The following TANC2 variants were observed in gnomAD, a reference collection of about 807,000 sequenced individuals.
TANC2 encodes the protein tetratricopeptide repeat, ankyrin repeat and coiled-coil containing 2, also known as protein TANC2.
Under a neutral mutation model 210.5 loss-of-function variants are expected in TANC2, and 26 were observed. The observed-to-expected ratio is 0.12, with a 90% CI of 0.09 to 0.17. The LOEUF (loss-of-function observed/expected upper bound fraction) is 0.17, where lower values mean the gene tolerates loss of function less well. Among genes scored for constraint, TANC2 ranks in the 10% least tolerant of loss-of-function variants. The probability of loss-of-function intolerance (pLI) is 1.00; values close to 1 mark genes in which losing one functional copy is unlikely to be tolerated. For synonymous variants in TANC2, 931 were observed against 967.1 expected (o/e 0.96, Z 0.69); for missense variants, 2,129 against 2,608.9 (o/e 0.82, Z 4.01).
chr17:63,353,029 G>C (rs779820155), intron 13 of TANC2, among the ~76,000 whole-genome samples: 1 of 152,090 alleles, frequency 6.6e-6, no homozygotes, highest in Non-Finnish European at 1.5e-5. Context: ...GTTTTAGATA[G>C]GATATATAGG....
At position 63,237,734 on chromosome 17, in the gene TANC2, G is replaced by A. The variant is rs1425379534; in HGVS notation, c.770-80G>A. ...GAAAATGGTGTCCTTTCCCCAATGTGTGTTTTTATCAACTTTGTCAAAGAT... is the reference window on the plus strand; with the variant it reads ...GAAAATGGTGTCCTTTCCCCAATGTATGTTTTTATCAACTTTGTCAAAGAT... On this transcript the variant is annotated intron_variant, in intron 7 of 27. Transcript: ENST00000689528. The A allele has an allele frequency of 2.9e-6, 4 of 1,385,770 alleles. No individual in the cohort carries two copies. The East Asian group carries it at 7.5e-5, about 26-fold the overall frequency. 85.8% of individuals were successfully genotyped at this position (1,385,770 alleles called of 1,614,324 possible). A position where few individuals can be genotyped will look rare whatever the true frequency, so the allele number is the denominator to read the frequency against.
intron 11 of TANC2, among the ~76,000 whole-genome samples, chr17:63,325,934 C>G (rs1479237376): frequency 6.6e-6 from 1 of 152,208 alleles, no homozygotes; most frequent in Non-Finnish European, 1.5e-5. Flanking sequence ...TCCAGATGAA[C>G]TAAATAAATT....
At chr17:63,146,796 T>C (rs567801370) in intron 4 of TANC2, among the ~76,000 whole-genome samples, 1 of 152,312 alleles carries the variant, frequency 6.6e-6, no homozygotes, top group Non-Finnish European at 1.5e-5. Flanking sequence ...CCTCGATAGG[T>C]AGATTTTCTC....
intron 4 of TANC2, among the ~76,000 whole-genome samples, chr17:63,147,078 T>C (rs1162017986): frequency 6.6e-6 from 1 of 152,088 alleles, no homozygotes; most frequent in East Asian, 1.9e-4. Flanking sequence ...ATGCCTGTAA[T>C]CCCAGCACTT....
intron 1 of TANC2, among the ~76,000 whole-genome samples, chr17:63,005,621 T>G (rs916392153): frequency 2.6e-5 from 4 of 150,948 alleles, no homozygotes; most frequent in Non-Finnish European, 4.4e-5. Context: ...TCTTTAATGG[T>G]TTTTTTTTGT....
chr17:63,037,995 C>T (rs1280470401), intron 2 of TANC2, among the ~76,000 whole-genome samples: 1 of 151,820 alleles, frequency 6.6e-6, no homozygotes, highest in South Asian at 2.1e-4. Flanking sequence ...TGTTCCTTTC[C>T]AGTATGTATG....
intron 13 of TANC2, among the ~76,000 whole-genome samples, chr17:63,352,591 G>GT (rs796376682): frequency 2.6e-5 from 4 of 152,264 alleles, no homozygotes; most frequent in African/African-American, 9.6e-5. Context: ...CTTTGGAGAT[G>GT]TTATCCTCAT....
chr17:63,250,425 A>T (rs1454089251), intron 8 of TANC2, among the ~76,000 whole-genome samples: 1 of 152,066 alleles, frequency 6.6e-6, no homozygotes, highest in Non-Finnish European at 1.5e-5. Context: ...AATCTGACAG[A>T]ACTATCTCAA....
intron 5 of TANC2, among the ~76,000 whole-genome samples, chr17:63,174,323 A>G (rs1469875091): frequency 6.6e-6 from 1 of 151,930 alleles, no homozygotes; most frequent in Non-Finnish European, 1.5e-5. Context: ...CCTCCACTCC[A>G]CCTACCTTTA....
intron 3 of TANC2, among the ~76,000 whole-genome samples, chr17:63,085,419 GTTGTT>G (rs1381368686): frequency 1.3e-5 from 2 of 151,914 alleles, no homozygotes; most frequent in African/African-American, 4.8e-5. Context: ...TCTGCCATTT[GTTGTT>G]TTAATTCAAA....
At chr17:63,346,269 G>T (rs971561265) in intron 12 of TANC2, among the ~76,000 whole-genome samples, 1 of 152,118 alleles carries the variant, frequency 6.6e-6, no homozygotes, top group African/African-American at 2.4e-5. Flanking sequence ...TGACAAATTA[G>T]ACTTCATCAA....
chr17:63,348,346 A>G (rs1191782159), intron 12 of TANC2, among the ~76,000 whole-genome samples: 1 of 152,196 alleles, frequency 6.6e-6, no homozygotes, highest in African/African-American at 2.4e-5. Flanking sequence ...TTTGTTAGGA[A>G]TACATGTAAG....
At chr17:63,356,507 C>A (rs1410398215) in intron 14 of TANC2, among the ~76,000 whole-genome samples, 2 of 152,140 alleles carry the variant, frequency 1.3e-5, no homozygotes, top group African/African-American at 4.8e-5. Context: ...TTCACCAGGC[C>A]TTATTAGAGA....
At chr17:63,184,079 A>G (rs1326797271) in intron 5 of TANC2, among the ~76,000 whole-genome samples, 2 of 152,168 alleles carry the variant, frequency 1.3e-5, no homozygotes, top group Non-Finnish European at 2.9e-5. Flanking sequence ...AAAATAGATA[A>G]AAGTTTTCAT....
At chr17:63,392,437 C>G (rs2048011447) in intron 17 of TANC2, among the ~76,000 whole-genome samples, 1 of 152,168 alleles carries the variant, frequency 6.6e-6, no homozygotes, top group East Asian at 1.9e-4. Flanking sequence ...ACATCTTTCC[C>G]TCCTTTGCCC....
Position 63,167,184 on chromosome 17 carries a change from A to G in TANC2, c.433+15804A>G, listed in dbSNP as rs530123883. ...TGAACTCTGTACATTTGTATAAGCT[A>G]CTTAACCTCCTCAGTCTCAGGTTCC... On this transcript the variant is annotated intron_variant, in intron 5 of 27. Coordinates refer to ENST00000689528, the Ensembl canonical transcript of TANC2. Among the ~76,000 whole-genome samples, 3 of 152,320 alleles carry G rather than the reference A, an allele frequency of 2.0e-5. No individual in the cohort carries two copies. The East Asian group carries it at 5.8e-4, about 29-fold the overall frequency.
At chr17:62,982,884 G>A (rs770264475) in intron 1 of TANC2, among the ~76,000 whole-genome samples, 1 of 152,168 alleles carries the variant, frequency 6.6e-6, no homozygotes, top group Admixed American at 6.5e-5. Flanking sequence ...ATCTTTTGAA[G>A]TCTGGTAGTG....
chr17:63,200,355 C>CAAAAAAAAA (rs10598629), intron 6 of TANC2, among the ~76,000 whole-genome samples: 2 of 93,804 alleles, frequency 2.1e-5, no homozygotes, highest in Non-Finnish European at 4.3e-5. Flanking sequence ...AACTCTGTCT[C>CAAAAAAAAA]AAAAAAAAAA....
intron 13 of TANC2, among the ~76,000 whole-genome samples, chr17:63,353,212 C>G (rs1406131851): frequency 6.6e-6 from 1 of 152,030 alleles, no homozygotes. Context: ...GTGAAATGGT[C>G]ATATTTCGTT....
Sources: gnomAD v4.1 joint callset for allele counts (sites outside exome capture counted in the v4.1 genomes callset) on GRCh38, gnomAD v4.1.1 for gene constraint, MANE v1.5 for transcripts, NCBI Gene and HGNC (gene_info 2026-07-23, HGNC 2026-07-21) for gene names.